The following NTN4 variants were observed in gnomAD, a reference collection of about 807,000 sequenced individuals.
The protein encoded by NTN4 is netrin-4.
A neutral mutation model predicts 73.6 loss-of-function variants in NTN4; 32 were observed. The observed-to-expected ratio is 0.44, with a 90% CI of 0.33 to 0.58. NTN4 has a LOEUF of 0.58. Among genes scored for constraint, NTN4 ranks in the 20% least tolerant of loss-of-function variants. NTN4 has a pLI of 0.04. For missense variants in NTN4, 654 were observed against 798.3 expected, an observed-to-expected ratio of 0.82 and a Z score of 2.18; for synonymous variants, 258 against 287.5, an observed-to-expected ratio of 0.90 and a Z score of 1.04.
chr12:95,737,797 C>G, intron 3 of NTN4, 69 bp downstream of exon 3: 2 of 1,506,418 alleles, frequency 1.3e-6, no homozygotes, highest in East Asian at 4.5e-5. Flanking sequence ...TAAGCATATA[C>G]CAACCAATGC....
chr12:95,725,490 A>G (rs1305343527), intron 3 of NTN4, among the ~76,000 whole-genome samples: 2 of 152,182 alleles, frequency 1.3e-5, no homozygotes, highest in East Asian at 1.9e-4. Context: ...ACAGGCTACT[A>G]TGCATTCTCT....
At chr12:95,659,741 T>C (rs903973268) in intron 9 of NTN4, among the ~76,000 whole-genome samples, 1 of 152,154 alleles carries the variant, frequency 6.6e-6, no homozygotes, top group Admixed American at 6.5e-5. Flanking sequence ...CCCTGTGAGG[T>C]AGATAATTTT....
At chr12:95,713,169 C>A in intron 4 of NTN4, 43 bp downstream of exon 4, 1 of 1,593,806 alleles carries the variant, frequency 6.3e-7, no homozygotes, top group African/African-American at 1.3e-5. Flanking sequence ...GATGCGTTGA[C>A]TTTACAAAGA....
intron 2 of NTN4, among the ~76,000 whole-genome samples, chr12:95,778,207 C>A (rs1359886417): frequency 2.6e-5 from 4 of 152,026 alleles, no homozygotes; most frequent in African/African-American, 4.8e-5. Flanking sequence ...CAAAAGAAAG[C>A]AGGAAATATC....
chr12:95,696,333 G>A (rs1592670708), intron 5 of NTN4, among the ~76,000 whole-genome samples: 1 of 152,036 alleles, frequency 6.6e-6, no homozygotes. Flanking sequence ...ACTAGAATAG[G>A]CCTGCCACAT....
intron 2 of NTN4, among the ~76,000 whole-genome samples, chr12:95,753,784 T>C (rs947535956): frequency 5.3e-5 from 8 of 152,152 alleles, no homozygotes; most frequent in Non-Finnish European, 1.0e-4. Flanking sequence ...GTCCTCAGAA[T>C]GCTACAAGGT....
At chr12:95,761,288 A>T (rs528798510) in intron 2 of NTN4, among the ~76,000 whole-genome samples, 2 of 151,984 alleles carry the variant, frequency 1.3e-5, no homozygotes, top group African/African-American at 4.8e-5. Context: ...TGTGCATAGT[A>T]AAAGTGAATT....
intron 5 of NTN4, among the ~76,000 whole-genome samples, chr12:95,699,150 T>G (rs1414547413): frequency 6.6e-6 from 1 of 152,184 alleles, no homozygotes; most frequent in Non-Finnish European, 1.5e-5. Flanking sequence ...CATTCACAGT[T>G]GCTTTCAATA....
intron 2 of NTN4, among the ~76,000 whole-genome samples, chr12:95,748,476 C>CTTTTTTTTTTTT (rs762351453): frequency 1.9e-5 from 2 of 105,946 alleles, no homozygotes; most frequent in South Asian, 3.2e-4. Context: ...ATTTTCTTTT[C>CTTTTTTTTTTTT]TTTTTTTTTT....
At chr12:95,728,814 A>T (rs1286350690) in intron 3 of NTN4, among the ~76,000 whole-genome samples, 1 of 152,068 alleles carries the variant, frequency 6.6e-6, no homozygotes, top group African/African-American at 2.4e-5. Flanking sequence ...AGGCGATTGG[A>T]TCATGGGGGC....
intron 3 of NTN4, among the ~76,000 whole-genome samples, chr12:95,715,993 A>AAT (rs1372047466): frequency 7.2e-5 from 11 of 151,972 alleles, no homozygotes; most frequent in African/African-American, 2.7e-4. Context: ...ATTTAGTAAG[A>AAT]TGAAGGCATC....
chr12:95,680,398 T>C (rs2078306400), intron 7 of NTN4, among the ~76,000 whole-genome samples: 1 of 152,240 alleles, frequency 6.6e-6, no homozygotes, highest in Non-Finnish European at 1.5e-5. Context: ...TGTAAGCATT[T>C]AAAACTGTGA....
At chr12:95,730,655 T>C (rs1162615362) in intron 3 of NTN4, among the ~76,000 whole-genome samples, 5 of 152,200 alleles carry the variant, frequency 3.3e-5, no homozygotes, top group African/African-American at 9.7e-5. Context: ...TTAGGAAATA[T>C]GAGGTAGTAA....
intron 3 of NTN4, among the ~76,000 whole-genome samples, chr12:95,723,931 T>C (rs1488987100): frequency 6.6e-6 from 1 of 152,212 alleles, no homozygotes; most frequent in East Asian, 1.9e-4. Context: ...TTGACTCATG[T>C]TCGTTTTATA....
chr12:95,758,831 C>T (rs527601451), intron 2 of NTN4, among the ~76,000 whole-genome samples: 2 of 152,356 alleles, frequency 1.3e-5, no homozygotes, highest in African/African-American at 4.8e-5. Flanking sequence ...GCTGAGATTA[C>T]AGTCGTGAGC....
At chr12:95,750,702 C>T (rs1489121591) in intron 2 of NTN4, among the ~76,000 whole-genome samples, 1 of 152,144 alleles carries the variant, frequency 6.6e-6, no homozygotes, top group African/African-American at 2.4e-5. Flanking sequence ...CAACCCCAAG[C>T]GTCGCTGAGT....
chr12:95,709,373 T>C (rs2078545186), intron 5 of NTN4, among the ~76,000 whole-genome samples: 1 of 152,220 alleles, frequency 6.6e-6, no homozygotes, highest in Admixed American at 6.5e-5. Flanking sequence ...AGATGAGCTA[T>C]TCATCCACAG....
At chr12:95,730,360 T>C (rs2078728965) in intron 3 of NTN4, among the ~76,000 whole-genome samples, 1 of 152,198 alleles carries the variant, frequency 6.6e-6, no homozygotes, top group South Asian at 2.1e-4. Flanking sequence ...ACCTCTCAGG[T>C]ATTTTTATCC....
At chr12:95,659,887 T>C (rs938506384) in intron 9 of NTN4, among the ~76,000 whole-genome samples, 4 of 152,198 alleles carry the variant, frequency 2.6e-5, no homozygotes, top group Admixed American at 6.5e-5. Context: ...CTTTGTACTA[T>C]ACCATGCTCT....
Sources: gnomAD v4.1 joint callset for allele counts (sites outside exome capture counted in the v4.1 genomes callset) on GRCh38, gnomAD v4.1.1 for gene constraint, MANE v1.5 for transcripts, NCBI Gene and HGNC (gene_info 2026-07-23, HGNC 2026-07-21) for gene names.